The following EPHA5 variants were observed in gnomAD, a reference collection of about 807,000 sequenced individuals.
EPHA5 encodes the protein EPH receptor A5.
Under a neutral mutation model 105.0 loss-of-function variants are expected in EPHA5, and 60 were observed. The observed-to-expected ratio is 0.57, with a 90% CI of 0.46 to 0.71. The LOEUF is 0.71. Among genes scored for constraint, EPHA5 ranks in the 30% least tolerant of loss-of-function variants. The pLI is 0.00. For missense variants in EPHA5, 1,218 were observed against 1,274.7 expected, an observed-to-expected ratio of 0.96 and a Z score of 0.68; for synonymous variants, 513 against 449.1, an observed-to-expected ratio of 1.14 and a Z score of -1.80.
At chr4:65,434,901 C>T (rs1425257033) in intron 5 of EPHA5, among the ~76,000 whole-genome samples, 1 of 151,986 alleles carries the variant, frequency 6.6e-6, no homozygotes, top group Non-Finnish European at 1.5e-5. Context: ...ATTTTTTCAG[C>T]CTGTTCCAAA....
At chr4:65,659,293 T>A (rs548355842) in intron 1 of EPHA5, among the ~76,000 whole-genome samples, 1 of 116,758 alleles carries the variant, frequency 8.6e-6, no homozygotes, top group Admixed American at 1.2e-4. Flanking sequence ...GACTGGGAAC[T>A]GGATTGTTTA....
At chr4:65,552,381 C>A (rs547123622) in intron 3 of EPHA5, among the ~76,000 whole-genome samples, 5 of 152,198 alleles carry the variant, frequency 3.3e-5, no homozygotes, top group Non-Finnish European at 5.9e-5. Flanking sequence ...GCTTTAAATG[C>A]CACTTTCATC....
intron 3 of EPHA5, among the ~76,000 whole-genome samples, chr4:65,554,231 C>T (rs899623417): frequency 1.3e-5 from 2 of 148,656 alleles, no homozygotes; most frequent in Non-Finnish European, 3.0e-5. Context: ...ATATATAAAA[C>T]ATGAATATAC....
At chr4:65,639,343 A>G (rs545989071) in intron 2 of EPHA5, among the ~76,000 whole-genome samples, 1 of 152,332 alleles carries the variant, frequency 6.6e-6, no homozygotes, top group African/African-American at 2.4e-5. Flanking sequence ...CATTTTTGAA[A>G]GGCAGTTTTC....
intron 3 of EPHA5, among the ~76,000 whole-genome samples, chr4:65,541,362 T>G (rs116432257): frequency 0.022 from 3,392 of 151,838 alleles, 127 homozygotes; most frequent in African/African-American, 0.076. Context: ...ACCCAACTCA[T>G]GTGCAAAGTC....
chr4:65,627,191 A>C (rs1746230997), intron 2 of EPHA5, among the ~76,000 whole-genome samples: 1 of 152,192 alleles, frequency 6.6e-6, no homozygotes, highest in Non-Finnish European at 1.5e-5. Context: ...CTGCATTCAG[A>C]AAGGTTTTAA....
intron 2 of EPHA5, among the ~76,000 whole-genome samples, chr4:65,634,287 T>C (rs1391098249): frequency 6.6e-6 from 1 of 152,128 alleles, no homozygotes; most frequent in Admixed American, 6.6e-5. Flanking sequence ...AACACAGTGA[T>C]ACCTAATGAA....
chr4:65,618,824 T>C (rs1745466458), intron 2 of EPHA5, among the ~76,000 whole-genome samples: 1 of 152,168 alleles, frequency 6.6e-6, no homozygotes, highest in Non-Finnish European at 1.5e-5. Context: ...ATCCTTGTCC[T>C]CATCAGAGAA....
At chr4:65,354,470 T>C (rs1365256346) in intron 11 of EPHA5, among the ~76,000 whole-genome samples, 1 of 151,704 alleles carries the variant, frequency 6.6e-6, no homozygotes, top group African/African-American at 2.4e-5. Context: ...TAGAAACATA[T>C]GACATAAAAC....
At chr4:65,583,639 C>G (rs1026420508) in intron 3 of EPHA5, among the ~76,000 whole-genome samples, 1 of 151,728 alleles carries the variant, frequency 6.6e-6, no homozygotes, top group African/African-American at 2.4e-5. Context: ...TAACCTTGTA[C>G]TCCAGGAAGA....
At chr4:65,463,815 A>G (rs898498979) in intron 5 of EPHA5, among the ~76,000 whole-genome samples, 2 of 152,094 alleles carry the variant, frequency 1.3e-5, no homozygotes, top group Non-Finnish European at 2.9e-5. Context: ...TTGCCAGAAA[A>G]TGAATGCTTA....
chr4:65,618,793 G>A (rs2149472354), intron 2 of EPHA5, among the ~76,000 whole-genome samples: 1 of 152,294 alleles, frequency 6.6e-6, no homozygotes, highest in South Asian at 2.1e-4. Context: ...ACTATAGAGA[G>A]CCAATAAATG....
chr4:65,389,950 A>G (rs758088446), intron 8 of EPHA5, among the ~76,000 whole-genome samples: 1 of 151,918 alleles, frequency 6.6e-6, no homozygotes, highest in African/African-American at 2.4e-5. Context: ...TCTGCATGGA[A>G]GTAGGGGTGT....
At chr4:65,574,713 TATATATAC>T (rs1435889709) in intron 3 of EPHA5, among the ~76,000 whole-genome samples, 2 of 89,946 alleles carry the variant, frequency 2.2e-5, no homozygotes, top group African/African-American at 7.7e-5. Flanking sequence ...TATATACATA[TATATATAC>T]ATATATATAC....
intron 5 of EPHA5, among the ~76,000 whole-genome samples, chr4:65,486,672 T>G (rs1267398028): frequency 6.6e-6 from 1 of 152,266 alleles, no homozygotes; most frequent in Non-Finnish European, 1.5e-5. Flanking sequence ...TCTTAAAAGA[T>G]ATTTAGGCAT....
intron 11 of EPHA5, among the ~76,000 whole-genome samples, chr4:65,363,540 T>C (rs1717545473): frequency 6.6e-6 from 1 of 151,498 alleles, no homozygotes; most frequent in Non-Finnish European, 1.5e-5. Context: ...CCTATGGAGT[T>C]TGCATTTACC....
intron 14 of EPHA5, among the ~76,000 whole-genome samples, chr4:65,345,468 T>C (rs1465009767): frequency 1.3e-5 from 2 of 152,166 alleles, no homozygotes; most frequent in East Asian, 1.9e-4. Context: ...CTGCAACAGA[T>C]ATCTGCAAAG....
At chr4:65,624,328 CT>C (rs1327634132) in intron 2 of EPHA5, among the ~76,000 whole-genome samples, 1 of 152,082 alleles carries the variant, frequency 6.6e-6, no homozygotes, top group Non-Finnish European at 1.5e-5. Flanking sequence ...AAATTTAACA[CT>C]TTCAGGCATA....
At chr4:65,396,789 A>G (rs1324949940) in intron 8 of EPHA5, among the ~76,000 whole-genome samples, 1 of 152,134 alleles carries the variant, frequency 6.6e-6, no homozygotes, top group Non-Finnish European at 1.5e-5. Flanking sequence ...ATCCTGAAGG[A>G]TAAGTTCATT....
Sources: allele counts gnomAD v4.1 joint callset (sites outside exome capture counted in the v4.1 genomes callset), GRCh38; gene constraint gnomAD v4.1.1; transcripts MANE v1.5; gene names NCBI Gene and HGNC (gene_info 2026-07-23, HGNC 2026-07-21).